Variants in SPMIP4 observed in about 807,000 individuals in gnomAD.
The protein encoded by SPMIP4 is sperm microtubule inner protein 4, also known as sperm-associated microtubule inner protein 4.
chr7:25,164,793 C>G, the SPMIP4 span, among the ~76,000 whole-genome samples: 6 of 152,110 alleles, frequency 3.9e-5, no homozygotes, highest in Non-Finnish European at 7.3e-5. Context: ...AACCTTCCCC[C>G]TGAGTCCCCA....
At chr7:25,179,152 G>T in the SPMIP4 span, 1 of 1,576,868 alleles carries the variant, frequency 6.3e-7, no homozygotes, top group Admixed American at 1.9e-5. Flanking sequence ...TTTCTTGTTT[G>T]CTTTTTCTAG....
the SPMIP4 span, chr7:25,135,930 C>A: frequency 6.5e-7 from 1 of 1,534,000 alleles, no homozygotes; most frequent in Non-Finnish European, 8.7e-7. Flanking sequence ...TATTTTTTAG[C>A]TTCTTGCAAG....
chr7:25,132,736 A>C, the SPMIP4 span, among the ~76,000 whole-genome samples: 1 of 152,214 alleles, frequency 6.6e-6, no homozygotes, highest in Non-Finnish European at 1.5e-5. This position sits in a 1 kb window ranked among gnomAD's most constrained non-coding sequence, Gnocchi z 5.0. Flanking sequence ...AAGGATAAAC[A>C]ATACCTAATT....
the SPMIP4 span, chr7:25,180,048 G>C: frequency 2.0e-5 from 3 of 152,570 alleles, no homozygotes; most frequent in South Asian, 6.2e-4. Context: ...CGCGGGCCGA[G>C]GAATTTTGAG....
the SPMIP4 span, chr7:25,134,924 G>GT: frequency 1.0e-6 from 1 of 985,388 alleles, no homozygotes; most frequent in Non-Finnish European, 1.2e-6. Flanking sequence ...CTGTCATAAT[G>GT]TAACTAGTGC....
chr7:25,154,971 AT>A, the SPMIP4 span: 1 of 1,549,196 alleles, frequency 6.5e-7, no homozygotes, highest in Non-Finnish European at 8.8e-7. Flanking sequence ...AATCCCAATA[AT>A]AAGAATTAAT....
the SPMIP4 span, among the ~76,000 whole-genome samples, chr7:25,166,200 A>T: frequency 6.7e-6 from 1 of 150,240 alleles, no homozygotes. Context: ...GTTTTGTCTC[A>T]TAATCTTGCT....
At chr7:25,164,083 C>T in the SPMIP4 span, among the ~76,000 whole-genome samples, 12 of 152,240 alleles carry the variant, frequency 7.9e-5, no homozygotes, top group South Asian at 1.0e-3. Context: ...GTGTGGGACA[C>T]GCTCTGAACC....
the SPMIP4 span, chr7:25,158,630 T>G: frequency 1.0e-6 from 1 of 954,908 alleles, no homozygotes; most frequent in Non-Finnish European, 1.6e-6. Context: ...CTGGGCATGG[T>G]GGCTCATGCC....
At chr7:25,149,610 T>C in the SPMIP4 span, among the ~76,000 whole-genome samples, 1 of 152,206 alleles carries the variant, frequency 6.6e-6, no homozygotes, top group African/African-American at 2.4e-5. Context: ...GATATACACA[T>C]AACACATTCT....
the SPMIP4 span, among the ~76,000 whole-genome samples, chr7:25,171,987 T>C: frequency 6.6e-6 from 1 of 152,158 alleles, no homozygotes; most frequent in Non-Finnish European, 1.5e-5. Context: ...GTAGGAAGGA[T>C]TCTTGCGGGA....
At chr7:25,158,050 C>T in the SPMIP4 span, among the ~76,000 whole-genome samples, 4 of 152,122 alleles carry the variant, frequency 2.6e-5, no homozygotes. Flanking sequence ...TGGACTTGTA[C>T]CAGCCTTTCC....
chr7:25,136,868 C>T, the SPMIP4 span: 2 of 1,432,280 alleles, frequency 1.4e-6, no homozygotes, highest in Non-Finnish European at 9.5e-7. This position sits in a 1 kb window ranked among gnomAD's most constrained non-coding sequence, Gnocchi z 5.7. Flanking sequence ...AAAGTCATAC[C>T]CATTTTCATT....
At chr7:25,159,365 C>T in the SPMIP4 span, among the ~76,000 whole-genome samples, 6 of 152,116 alleles carry the variant, frequency 3.9e-5, no homozygotes, top group African/African-American at 1.4e-4. Flanking sequence ...CAGTTCATTC[C>T]AAGGCTGTGC....
chr7:25,135,789 A>G, the SPMIP4 span: 2 of 1,326,362 alleles, frequency 1.5e-6, no homozygotes, highest in East Asian at 2.8e-5. Context: ...TCAAGAAGTC[A>G]TAACATCACC....
chr7:25,161,237 TA>T, the SPMIP4 span: 1 of 1,560,610 alleles, frequency 6.4e-7, no homozygotes, highest in Admixed American at 1.8e-5. Flanking sequence ...GGTCAAATAA[TA>T]AAATTGTTCA....
chr7:25,137,598 G>A, the SPMIP4 span, among the ~76,000 whole-genome samples: 3 of 152,068 alleles, frequency 2.0e-5, no homozygotes, highest in East Asian at 1.9e-4. Context: ...AAGATTCTGG[G>A]TGGTTTAATG....
At chr7:25,146,207 T>C in the SPMIP4 span, among the ~76,000 whole-genome samples, 1 of 152,140 alleles carries the variant, frequency 6.6e-6, no homozygotes, top group South Asian at 2.1e-4. Context: ...AGAATTATTT[T>C]TGGCCTCTAG....
chr7:25,164,018 G>A, the SPMIP4 span, among the ~76,000 whole-genome samples: 15 of 152,158 alleles, frequency 9.9e-5, no homozygotes, highest in African/African-American at 2.7e-4. Context: ...CATACTTACC[G>A]AACATTAGGA....
Sources: gnomAD v4.1 joint callset for allele counts (sites outside exome capture counted in the v4.1 genomes callset) on GRCh38, gnomAD v4.1.1 for gene constraint, Gnocchi (gnomAD v3.1) non-coding constraint, MANE v1.5 for transcripts, NCBI Gene and HGNC (gene_info 2026-07-23, HGNC 2026-07-21) for gene names.